NRXN3: variants seen among roughly 807,000 people sequenced by gnomAD.
NRXN3 encodes neurexin III.
In NRXN3, 32 loss-of-function variants were observed where a neutral mutation model predicts 137.6. That is an observed-to-expected ratio of 0.23 (90% CI 0.18 to 0.31). The LOEUF (loss-of-function observed/expected upper bound fraction) is 0.31, where lower values mean the gene tolerates loss of function less well. NRXN3 is among the 10% of genes least tolerant of loss of function. The probability of loss-of-function intolerance (pLI) is 1.00; values close to 1 mark genes in which losing one functional copy is unlikely to be tolerated. For missense variants in NRXN3, 1,574 were observed against 2,062.5 expected (o/e 0.76, Z 4.59); for synonymous variants, 798 against 784.5 (o/e 1.02, Z -0.29).
chr14:79,575,737 T>A (rs527937189), intron 16 of NRXN3, among the ~76,000 whole-genome samples: 1 of 152,302 alleles, frequency 6.6e-6, no homozygotes, highest in East Asian at 1.9e-4. Flanking sequence ...CATGTTTGAG[T>A]ATATATACAT....
intron 4 of NRXN3, among the ~76,000 whole-genome samples, chr14:78,484,157 G>T (rs979516939): frequency 3.9e-5 from 6 of 152,080 alleles, no homozygotes. Flanking sequence ...TGCAGCTGCG[G>T]AATAATACAC....
chr14:79,130,159 G>C (rs1316290198), intron 15 of NRXN3, among the ~76,000 whole-genome samples: 3 of 150,862 alleles, frequency 2.0e-5, no homozygotes, highest in Non-Finnish European at 3.0e-5. Flanking sequence ...CTTTTAATTG[G>C]AGCATTTAGT....
At chr14:79,748,537 C>A (rs146007450) in intron 19 of NRXN3, among the ~76,000 whole-genome samples, 20 of 152,170 alleles carry the variant, frequency 1.3e-4, no homozygotes, top group African/African-American at 4.8e-4. Flanking sequence ...TGATCCCCTT[C>A]TGACAACCCC....
intron 5 of NRXN3, among the ~76,000 whole-genome samples, chr14:78,648,358 G>C (rs1286007726): frequency 6.6e-6 from 1 of 152,060 alleles, no homozygotes; most frequent in Admixed American, 6.6e-5. Context: ...TCTTCCAGAG[G>C]GTTTTTCTAA....
At chr14:79,798,302 G>T (rs1423509122) in intron 19 of NRXN3, among the ~76,000 whole-genome samples, 1 of 152,178 alleles carries the variant, frequency 6.6e-6, no homozygotes, top group Non-Finnish European at 1.5e-5. Flanking sequence ...CAGGCAGCTT[G>T]TATTTAAATA....
intron 10 of NRXN3, among the ~76,000 whole-genome samples, chr14:78,828,499 G>A (rs556990343): frequency 6.6e-6 from 1 of 152,204 alleles, no homozygotes; most frequent in Non-Finnish European, 1.5e-5. Flanking sequence ...TTGTGCTCTT[G>A]TAGCACAAAA....
intron 1 of NRXN3, among the ~76,000 whole-genome samples, chr14:78,207,486 T>C (rs1395217910): frequency 6.6e-6 from 1 of 152,202 alleles, no homozygotes; most frequent in Non-Finnish European, 1.5e-5. Context: ...CACATCAGGA[T>C]TGACAGCTGC....
intron 15 of NRXN3, chr14:79,298,799 G>A (rs2153221327): frequency 6.6e-6 from 1 of 152,334 alleles, no homozygotes; most frequent in East Asian, 1.9e-4. Flanking sequence ...TCAAAGAAAT[G>A]GCAGGGGGAT....
intron 15 of NRXN3, among the ~76,000 whole-genome samples, chr14:79,292,714 G>A (rs2083403651): frequency 6.6e-6 from 1 of 152,196 alleles, no homozygotes. Flanking sequence ...GAGGGGCAGT[G>A]GGTTTCCAAC....
chr14:78,792,216 A>C (rs1468219723), intron 8 of NRXN3, among the ~76,000 whole-genome samples: 1 of 120,100 alleles, frequency 8.3e-6, no homozygotes, highest in African/African-American at 3.1e-5. Flanking sequence ...AAAAAAAAAA[A>C]CAAATTATCT....
At chr14:78,208,687 GTTACTTAACC>G (rs2062444624) in intron 1 of NRXN3, among the ~76,000 whole-genome samples, 1 of 152,178 alleles carries the variant, frequency 6.6e-6, no homozygotes, top group South Asian at 2.1e-4. Flanking sequence ...CTCTGGGCAA[GTTACTTAACC>G]TCTCTGAGCC....
At chr14:79,033,085 A>C (rs539730570) in intron 15 of NRXN3, among the ~76,000 whole-genome samples, 2 of 152,142 alleles carry the variant, frequency 1.3e-5, no homozygotes, top group South Asian at 4.1e-4. Flanking sequence ...GAACGTGTAC[A>C]TGCTGTTCCC....
chr14:79,329,954 C>T (rs1305385298), intron 15 of NRXN3, among the ~76,000 whole-genome samples: 2 of 151,628 alleles, frequency 1.3e-5, no homozygotes, highest in Admixed American at 6.6e-5. Context: ...AATTCTCCTG[C>T]CTCAGCTTTC....
intron 15 of NRXN3, among the ~76,000 whole-genome samples, chr14:79,361,996 A>ATTATTATTATTATT (rs1555399871): frequency 7.0e-6 from 1 of 142,120 alleles, no homozygotes; most frequent in African/African-American, 2.6e-5. Context: ...CTACTTTTAT[A>ATTATTATTATTATT]ATTATTATTA....
intron 15 of NRXN3, among the ~76,000 whole-genome samples, chr14:79,443,251 T>C (rs932103224): frequency 3.3e-5 from 5 of 152,206 alleles, no homozygotes; most frequent in Admixed American, 2.0e-4. Context: ...CATTCTACAG[T>C]ATTTATTGAG....
chr14:79,042,035 T>A (rs1344592743), intron 15 of NRXN3, among the ~76,000 whole-genome samples: 1 of 152,148 alleles, frequency 6.6e-6, no homozygotes. Flanking sequence ...GAAACAGATA[T>A]GCCTAGCAAG....
At chr14:78,516,379 G>T (rs1340318600) in intron 4 of NRXN3, among the ~76,000 whole-genome samples, 2 of 80,422 alleles carry the variant, frequency 2.5e-5, no homozygotes, top group African/African-American at 7.3e-5. Context: ...TTGGGGCTAG[G>T]CTGAGCAGCA....
At chr14:78,698,152 A>C (rs566890356) in intron 6 of NRXN3, 1 of 151,994 alleles carries the variant, frequency 6.6e-6, no homozygotes, top group East Asian at 1.9e-4. Context: ...GAACTTACCC[A>C]TTAGCCTGCA....
chr14:79,000,755 T>C (rs887898666), intron 15 of NRXN3, among the ~76,000 whole-genome samples: 1 of 152,106 alleles, frequency 6.6e-6, no homozygotes, highest in Admixed American at 6.6e-5. Flanking sequence ...AACATACATG[T>C]CATGGACACA....
Sources: gnomAD v4.1 joint callset for allele counts (sites outside exome capture counted in the v4.1 genomes callset) on GRCh38, gnomAD v4.1.1 for gene constraint, MANE v1.5 for transcripts, NCBI Gene and HGNC (gene_info 2026-07-23, HGNC 2026-07-21) for gene names.